The following RASGRF2 variants were observed in gnomAD, a reference collection of about 807,000 sequenced individuals.
RASGRF2 encodes the protein Ras protein specific guanine nucleotide releasing factor 2.
RASGRF2 carries 76 observed loss-of-function variants against 151.0 expected under a neutral mutation model. That is an observed-to-expected ratio of 0.50 (90% CI 0.42 to 0.61). The LOEUF (loss-of-function observed/expected upper bound fraction) is 0.61, where lower values mean the gene tolerates loss of function less well. RASGRF2 is among the 20% of genes least tolerant of loss of function. The pLI, the probability that RASGRF2 is intolerant of heterozygous loss-of-function variation, is 0.00. For missense variants in RASGRF2, 1,148 were observed against 1,564.6 expected, an observed-to-expected ratio of 0.73 and a Z score of 4.49; for synonymous variants, 504 against 566.5, an observed-to-expected ratio of 0.89 and a Z score of 1.57.
intron 3 of RASGRF2, 28 bp downstream of exon 3, chr5:81,068,207 C>T: frequency 6.3e-7 from 1 of 1,596,460 alleles, no homozygotes; most frequent in East Asian, 2.2e-5. Flanking sequence ...GATTCCTTCT[C>T]ATTGTTTCAC....
chr5:81,147,449 A>C lies in RASGRF2; in HGVS notation c.2686+20286A>C, dbSNP rs58404485. 3.7e-3 allele frequency among the ~76,000 whole-genome samples: 562 copies of C among 152,376 alleles called. 3 individuals carry two copies. Among genetic ancestry groups the C allele is most frequent in the African/African-American group, 0.013 (527 of 41,586 alleles). ...ATATTTCCAAGATTTCTGCACATGC[A>C]TCATAATGAGAAGTGATGAGAGACA... On this transcript the variant is annotated intron_variant, in intron 17 of 26. Coordinates refer to ENST00000265080, the MANE Select transcript of RASGRF2 (RefSeq NM_006909.3).
chr5:81,188,675 A>T (rs1755088228), intron 18 of RASGRF2, among the ~76,000 whole-genome samples: 1 of 152,228 alleles, frequency 6.6e-6, no homozygotes, highest in African/African-American at 2.4e-5. Flanking sequence ...ATATTAAGTC[A>T]CTTACTGTGA....
At chr5:81,017,334 G>T (rs919199908) in intron 1 of RASGRF2, among the ~76,000 whole-genome samples, 5 of 152,214 alleles carry the variant, frequency 3.3e-5, no homozygotes, top group African/African-American at 1.2e-4. Flanking sequence ...CACAAAGTGG[G>T]ACTTGCCAGA....
chr5:81,151,623 C>T (rs544621397), intron 17 of RASGRF2, among the ~76,000 whole-genome samples: 42 of 152,202 alleles, frequency 2.8e-4, no homozygotes, highest in Admixed American at 2.0e-3. Flanking sequence ...CGAATACTTC[C>T]CTGTTGCTTT....
intron 17 of RASGRF2, among the ~76,000 whole-genome samples, chr5:81,152,838 C>A (rs1267852688): frequency 1.3e-5 from 2 of 152,204 alleles, no homozygotes; most frequent in Non-Finnish European, 2.9e-5. Context: ...CTCCTTACCC[C>A]ATCTCCTTTA....
At chr5:81,207,447 C>T in intron 21 of RASGRF2, 98 bp downstream of exon 21, 4 of 999,356 alleles carry the variant, frequency 4.0e-6, no homozygotes, top group Non-Finnish European at 4.5e-6. Flanking sequence ...TCTGTCCCCT[C>T]AGTTCCTGTG....
Position 81,200,722 on chromosome 5 carries a change from C to T in RASGRF2, c.2794-608C>T, listed in dbSNP as rs560825666. 3.9e-5 allele frequency among the ~76,000 whole-genome samples: 6 copies of T among 152,220 alleles called. No homozygotes were observed. The South Asian group carries it at 1.0e-3, about 26-fold the overall frequency. Reference sequence around the variant, plus strand: ...CAATGGAATACAGGGAGTTGACAGCCGTGAGTTACGTGTGCCGTGGGTGCA... The same window carrying T: ...CAATGGAATACAGGGAGTTGACAGCTGTGAGTTACGTGTGCCGTGGGTGCA... On this transcript the variant is annotated intron_variant, in intron 18 of 26. Transcript: ENST00000265080.
In RASGRF2 at chr5:81,044,362, G is replaced by A. The variant is rs536334637; in HGVS notation, c.395+1379G>A. ...AGACCTGGGAGTTGGAGGATACAGT[G>A]AGCCAAGATCACACCACTGCACTCC... On this transcript the variant is annotated intron_variant, in intron 2 of 26. Transcript: ENST00000265080. 3.3e-5 allele frequency among the ~76,000 whole-genome samples: 5 copies of A among 152,180 alleles called. No homozygotes were observed. In the South Asian group the frequency reaches 1.0e-3, roughly 32 times the overall value.
chr5:81,001,152 T>C (rs1749068396), intron 1 of RASGRF2, among the ~76,000 whole-genome samples: 1 of 152,240 alleles, frequency 6.6e-6, no homozygotes, highest in South Asian at 2.1e-4. Flanking sequence ...TTGTTCTTTG[T>C]GTCTTCACTC....
intron 9 of RASGRF2, 120 bp downstream of exon 9, chr5:81,087,073 C>A (rs920695904): frequency 5.0e-5 from 47 of 935,382 alleles, no homozygotes; most frequent in Admixed American, 1.7e-4. Flanking sequence ...AGGACCCCCC[C>A]ACGGCCTTCG....
chr5:81,043,970 T>A (rs1750757418), intron 2 of RASGRF2, among the ~76,000 whole-genome samples: 2 of 152,220 alleles, frequency 1.3e-5, no homozygotes, highest in South Asian at 2.1e-4. Flanking sequence ...ATTACTTTTT[T>A]AATATAGTGA....
At chr5:80,978,945 C>T (rs749823620) in intron 1 of RASGRF2, among the ~76,000 whole-genome samples, 8 of 152,186 alleles carry the variant, frequency 5.3e-5, no homozygotes, top group Non-Finnish European at 1.2e-4. Context: ...AGCATTCTAT[C>T]ACACAGATGT....
At chr5:81,026,003 C>CTT (rs1750010128) in intron 1 of RASGRF2, among the ~76,000 whole-genome samples, 1 of 141,462 alleles carries the variant, frequency 7.1e-6, no homozygotes, top group Non-Finnish European at 1.5e-5. Flanking sequence ...CCCTTCCTTC[C>CTT]TTTCTTCCTT....
At chr5:81,061,547 T>C (rs1366929833) in intron 2 of RASGRF2, among the ~76,000 whole-genome samples, 1 of 151,850 alleles carries the variant, frequency 6.6e-6, no homozygotes, top group African/African-American at 2.4e-5. Context: ...TCTCCCTGTT[T>C]CCCATGCTGG....
chr5:81,161,530 G>A (rs571103826), intron 17 of RASGRF2, among the ~76,000 whole-genome samples: 31 of 152,338 alleles, frequency 2.0e-4, no homozygotes, highest in African/African-American at 7.2e-4. Context: ...GTATGATTGA[G>A]ATGCGTTAAA....
chr5:81,135,450 C>G (rs1753731284), intron 17 of RASGRF2, among the ~76,000 whole-genome samples: 1 of 152,218 alleles, frequency 6.6e-6, no homozygotes, highest in Non-Finnish European at 1.5e-5. Context: ...TCCTCTAGCC[C>G]TTTGCAACTG....
intron 26 of RASGRF2, among the ~76,000 whole-genome samples, chr5:81,224,446 G>C (rs1005202105): frequency 6.6e-6 from 1 of 152,152 alleles, no homozygotes; most frequent in South Asian, 2.1e-4. Flanking sequence ...GAATAAAATC[G>C]AACAATCACT....
At position 81,080,781 on chromosome 5, in the gene RASGRF2, A is replaced by T. The variant is rs1241543225; in HGVS notation, c.1153A>T (p.Met385Leu). Reference protein sequence around the residue: ...RMLETFLTYPMFQIPRYIITL... With the variant: ...RMLETFLTYPLFQIPRYIITL... The stretch of plus-strand genomic sequence containing the variant: ...GCTGGAGACATTCTTGACCTATCCC[A>T]TGTTTCAGGTAAGTCACTTGGGATG... The change falls in exon 7 of 27, where the codon ATG (methionine) becomes TTG (leucine). Residue 385 changes from methionine (M) to leucine (L), a missense_variant. This residue lies in a region of RASGRF2 where 176 missense variants were observed against 309.6 expected (regional missense o/e 0.57). Coordinates refer to ENST00000265080, the MANE Select transcript of RASGRF2 (RefSeq NM_006909.3). The T allele has an allele frequency of 3.1e-6, 5 of 1,612,872 alleles. No homozygotes were observed. The highest frequency in any genetic ancestry group is 1.3e-5 in the African/African-American group (1 of 74,886).
chr5:81,119,694 G>A (rs564099943), intron 15 of RASGRF2, among the ~76,000 whole-genome samples: 34 of 152,368 alleles, frequency 2.2e-4, no homozygotes, highest in African/African-American at 7.9e-4. Context: ...TCATGTGGCA[G>A]CACTGATCAT....
Sources: allele counts gnomAD v4.1 joint callset (sites outside exome capture counted in the v4.1 genomes callset), GRCh38; gene constraint gnomAD v4.1.1; regional missense constraint gnomAD v4.1.1; transcripts MANE v1.5; gene names NCBI Gene and HGNC (gene_info 2026-07-23, HGNC 2026-07-21).